Variants in CXCR6 observed in about 807,000 individuals in gnomAD.
CXCR6 encodes the protein C-X-C motif chemokine receptor 6.
CXCR6 carries 3 observed loss-of-function variants against 1.6 expected under a neutral mutation model. That is an observed-to-expected ratio of 1.83 (90% CI 0.83 to 4.72). The LOEUF (loss-of-function observed/expected upper bound fraction) is 4.72, where lower values mean the gene tolerates loss of function less well. Ranked by LOEUF, CXCR6 falls within the 30% of genes most tolerant of loss-of-function variation. The pLI, the probability that CXCR6 is intolerant of heterozygous loss-of-function variation, is 0.02. For missense variants in CXCR6, 326 were observed against 414.8 expected (o/e 0.79, Z 1.86); for synonymous variants, 171 against 159.2 (o/e 1.07, Z -0.56).
At position 45,946,777 on chromosome 3, in the gene CXCR6, A is replaced by T; in HGVS notation, c.296A>T (p.Gln99Leu). ...YAGIHEWVFG[Q>L]VMCKSLLGIY... is the part of the protein sequence containing the mutation. ...GGCATCCATGAATGGGTGTTTGGCC[A>T]GGTCATGTGCAAGAGCCTACTGGGC... The change falls in exon 2 of 2, where the codon CAG (glutamine) becomes CTG (leucine). Residue 99 changes from glutamine (Q) to leucine (L), a missense_variant. Physicochemically the swap from Gln to Leu is moderately radical, Grantham distance 113. Transcript: ENST00000304552. 6.2e-7 allele frequency: 1 copy of T among 1,613,366 alleles called. No individual in the cohort carries two copies. The highest frequency in any genetic ancestry group is 8.5e-7 in the Non-Finnish European group (1 of 1,179,784).
upstream of CXCR6, chr3:45,941,015 A>G (rs1428111647): frequency 1.3e-5 from 2 of 152,096 alleles, no homozygotes; most frequent in Non-Finnish European, 2.9e-5. Flanking sequence ...TCTCAGCCAT[A>G]GTGGCTCTGC....
In CXCR6 at chr3:45,947,421, G is replaced by A; in HGVS notation, c.940G>A (p.Val314Ile). Residue 314 changes from valine to isoleucine, a missense_variant, in exon 2 of 2, where the codon GTC (valine) becomes ATC (isoleucine). Coordinates refer to ENST00000304552, the MANE Select transcript of CXCR6 (RefSeq NM_006564.2). ...CATTGGTTGCCTCCCTTACCTTGGG[G>A]TCTCACATCAATGGAAATCTTCTGA... is the stretch of plus-strand genomic sequence containing the variant. ...KDIGCLPYLGVSHQWKSSEDN... is the reference protein window; with the variant it reads ...KDIGCLPYLGISHQWKSSEDN... 1 of 1,614,212 alleles carries A rather than the reference G, an allele frequency of 6.2e-7. No homozygotes were observed. Among genetic ancestry groups the A allele is most frequent in the Non-Finnish European group, 8.5e-7 (1 of 1,180,024 alleles).
At chr3:45,946,427 G>A (rs1704608774) in intron 1 of CXCR6, 34 bp from the exon 2 acceptor site, 2 of 1,495,794 alleles carry the variant, frequency 1.3e-6, no homozygotes, top group African/African-American at 2.8e-5. Context: ...GCCATCCTCA[G>A]CCCCAAATAT....
upstream of CXCR6, chr3:45,943,346 C>T (rs553932172): frequency 2.6e-5 from 4 of 152,080 alleles, no homozygotes; most frequent in Non-Finnish European, 4.4e-5. Context: ...CTGACCCACG[C>T]GTTACACAGG....
At chr3:45,945,193 C>T (rs960155279) in intron 1 of CXCR6, 1 of 152,264 alleles carries the variant, frequency 6.6e-6, no homozygotes, top group Non-Finnish European at 1.5e-5. Context: ...GTAACCTCAT[C>T]GTTTATATGC....
rs1222487064 is a variant in CXCR6 at position 45,946,477 on chromosome 3, A to G, written c.-5A>G. On this transcript the variant is annotated 5_prime_UTR_variant, in exon 2 of 2. Transcript: ENST00000304552. ...GACTCACAGGTGTTCATCAGAACAG[A>G]CACCATGGCAGAGCATGATTACCAT... 6.8e-6 allele frequency: 11 copies of G among 1,608,950 alleles called. No homozygotes were observed. The highest frequency in any genetic ancestry group is 8.5e-6 in the Non-Finnish European group (10 of 1,176,284).
In CXCR6 at chr3:45,947,810, G is replaced by C. The variant is rs952438904; in HGVS notation, c.*300G>C. 6 of 370,330 alleles carry C rather than the reference G, an allele frequency of 1.6e-5. No individual in the cohort carries two copies. Among genetic ancestry groups the C allele is most frequent in the African/African-American group, 1.2e-4 (6 of 48,330 alleles). The allele number at this position is 370,330 out of a possible 1,614,324, so 22.9% of individuals were successfully genotyped here. On this transcript the variant is annotated 3_prime_UTR_variant, in exon 2 of 2. Transcript: ENST00000304552. ...ACTCCTATGATCTCAGGTTCTCCTTGATTGGGACTGGGGCTGAAGGTTGAA... is the reference window on the plus strand; with the variant it reads ...ACTCCTATGATCTCAGGTTCTCCTTCATTGGGACTGGGGCTGAAGGTTGAA...
chr3:45,942,030 A>G (rs1276009325), upstream of CXCR6, among the ~76,000 whole-genome samples: 1 of 152,224 alleles, frequency 6.6e-6, no homozygotes, highest in Non-Finnish European at 1.5e-5. Flanking sequence ...TATGTAGTCT[A>G]TGCGGCCTCA....
intron 1 of CXCR6, 45 bp from the exon 2 acceptor site, chr3:45,946,416 T>C: frequency 7.1e-7 from 1 of 1,414,702 alleles, no homozygotes; most frequent in South Asian, 1.3e-5. Context: ...AGACAAAGAA[T>C]GCCATCCTCA....
chr3:45,942,516 C>T (rs1425842896), upstream of CXCR6, among the ~76,000 whole-genome samples: 3 of 152,140 alleles, frequency 2.0e-5, no homozygotes, highest in African/African-American at 4.8e-5. Flanking sequence ...GAGTGCAGAG[C>T]CAGAGAAGGC....
rs753824355 is a variant in CXCR6, at chr3:45,947,487, G to A, written c.1006G>A (p.Ala336Thr). 5 of 1,613,898 alleles carry A rather than the reference G, an allele frequency of 3.1e-6. No homozygotes were observed. Among genetic ancestry groups the A allele is most frequent in the Middle Eastern group, 1.6e-4 (1 of 6,062 alleles). ...TTTTTCTGCCTCCCACAATGTGGAG[G>A]CCACCAGCATGTTCCAGTTATAGGC... ...KTFSASHNVE[A>T]TSMFQL The change falls in exon 2 of 2, where the codon GCC (alanine) becomes ACC (threonine). Residue 336 changes from alanine (A) to threonine (T), a missense_variant. Transcript: ENST00000304552.
intron 1 of CXCR6, among the ~76,000 whole-genome samples, chr3:45,944,754 A>G (rs748430873): frequency 6.6e-6 from 1 of 152,246 alleles, no homozygotes; most frequent in Non-Finnish European, 1.5e-5. Flanking sequence ...ATAAGGGACC[A>G]GCAAAAGCTG....
chr3:45,942,701 T>C (rs1391469600), upstream of CXCR6, among the ~76,000 whole-genome samples: 2 of 152,224 alleles, frequency 1.3e-5, no homozygotes, highest in Non-Finnish European at 2.9e-5. Flanking sequence ...TGTTAGATCA[T>C]GGAGACTGAC....
At position 45,947,558 on chromosome 3, in the gene CXCR6, C is replaced by CT. The variant is rs1704706630; in HGVS notation, c.*49dup. ...CTGCTCTGGAATTTGCAAGTCATGG[C>CT]TGTGCCCTCTTGATGTGGTGAGGCA... On this transcript the variant is annotated 3_prime_UTR_variant, in exon 2 of 2. Coordinates refer to ENST00000304552, the MANE Select transcript of CXCR6 (RefSeq NM_006564.2). 2 of 1,432,078 alleles carry CT rather than the reference C, an allele frequency of 1.4e-6. No individual in the cohort carries two copies. The highest frequency in any genetic ancestry group is 2.8e-5 in the African/African-American group (2 of 71,096). 88.7% of individuals were successfully genotyped at this position (1,432,078 alleles called of 1,614,324 possible).
upstream of CXCR6, among the ~76,000 whole-genome samples, chr3:45,941,867 C>T (rs375940280): frequency 2.6e-5 from 4 of 152,332 alleles, no homozygotes; most frequent in Admixed American, 2.6e-4. Context: ...AAACTCAGCT[C>T]TCAAAGCTTA....
At position 45,947,605 on chromosome 3, in the gene CXCR6, A is replaced by G. The variant is rs1704711963; in HGVS notation, c.*95A>G. The stretch of plus-strand genomic sequence containing the variant: ...GGCAGGCTTTGTTTATAGCTTGCGC[A>G]TTCTCATGGAGAAGTTATCAGACAC... On this transcript the variant is annotated 3_prime_UTR_variant, in exon 2 of 2. Transcript: ENST00000304552. The G allele has an allele frequency of 2.1e-6, 2 of 939,312 alleles. No homozygotes were observed. The highest frequency in any genetic ancestry group is 3.3e-6 in the Non-Finnish European group (2 of 604,526). 58.2% of individuals were successfully genotyped at this position (939,312 alleles called of 1,614,324 possible).
At position 45,946,997 on chromosome 3, in the gene CXCR6, C is replaced by T; in HGVS notation, c.516C>T (p.Val172=). 1 of 1,614,212 alleles carries T rather than the reference C, an allele frequency of 6.2e-7. No homozygotes were observed. Among genetic ancestry groups the T allele is most frequent in the Non-Finnish European group, 8.5e-7 (1 of 1,180,040 alleles). ...TGCCCCAAATTATCTATGGCAATGT[C>T]TTTAATCTCGACAAGCTCATATGTG... ...VSLPQIIYGN[V]FNLDKLICGY... Residue 172 remains valine (V), a synonymous_variant, in exon 2 of 2, where the codon GTC becomes GTT. Coordinates refer to ENST00000304552, the MANE Select transcript of CXCR6 (RefSeq NM_006564.2).
At chr3:45,942,070 C>T (rs1704260351), upstream of CXCR6, among the ~76,000 whole-genome samples, 1 of 152,242 alleles carries the variant, frequency 6.6e-6, no homozygotes, top group Admixed American at 6.5e-5. Flanking sequence ...ACACCTCACT[C>T]ATTTGTACCA....
chr3:45,947,821 G>A lies in CXCR6; in HGVS notation c.*311G>A. The A allele has an allele frequency of 2.9e-6, 1 of 342,136 alleles. No homozygotes were observed. Among genetic ancestry groups the A allele is most frequent in the Non-Finnish European group, 5.7e-6 (1 of 176,276 alleles). The allele number at this position is 342,136 out of a possible 1,614,324, so 21.2% of individuals were successfully genotyped here. The stretch of plus-strand genomic sequence containing the variant: ...CTCAGGTTCTCCTTGATTGGGACTG[G>A]GGCTGAAGGTTGAAGAGGTGAGCAC... On this transcript the variant is annotated 3_prime_UTR_variant, in exon 2 of 2. Coordinates refer to ENST00000304552, the MANE Select transcript of CXCR6 (RefSeq NM_006564.2).
Sources: allele counts gnomAD v4.1 joint callset (sites outside exome capture counted in the v4.1 genomes callset), GRCh38; gene constraint gnomAD v4.1.1; transcripts MANE v1.5; gene names NCBI Gene and HGNC (gene_info 2026-07-23, HGNC 2026-07-21).